The following NCAM1 variants were observed in gnomAD, a reference collection of about 807,000 sequenced individuals.
NCAM1 encodes antigen recognized by monoclonal antibody 5.1H11.
Under a neutral mutation model 109.8 loss-of-function variants are expected in NCAM1, and 14 were observed. That is an observed-to-expected ratio of 0.13 (90% CI 0.08 to 0.20). The LOEUF is 0.20. Among genes scored for constraint, NCAM1 ranks in the 10% least tolerant of loss-of-function variants. The pLI is 1.00. For synonymous variants in NCAM1, 418 were observed against 442.9 expected (o/e 0.94, Z 0.70); for missense variants, 774 against 1,109.9 (o/e 0.70, Z 4.30).
intron 14 of NCAM1, chr11:113,242,679 AATG>A: frequency 1.3e-6 from 1 of 772,528 alleles, no homozygotes. Flanking sequence ...CCATCTTTAT[AATG>A]ATGCCTACAT....
At chr11:113,028,862 GT>G (rs1282371031) in intron 1 of NCAM1, among the ~76,000 whole-genome samples, 12 of 152,022 alleles carry the variant, frequency 7.9e-5, no homozygotes, top group East Asian at 3.9e-4. Flanking sequence ...AGCATGTCTA[GT>G]TTTTTTAGCC....
At chr11:113,270,625 T>G in intron 18 of NCAM1, 1 of 557,870 alleles carries the variant, frequency 1.8e-6, no homozygotes, top group Non-Finnish European at 3.2e-6. Flanking sequence ...TCTCTTGTAT[T>G]AGAATCTCCC....
At chr11:112,984,467 C>G (rs1412326447) in intron 1 of NCAM1, among the ~76,000 whole-genome samples, 1 of 151,734 alleles carries the variant, frequency 6.6e-6, no homozygotes, top group African/African-American at 2.4e-5. Context: ...CTAGGAACCC[C>G]CATTCTGTTT....
At chr11:113,154,354 T>C (rs1942337942) in intron 1 of NCAM1, among the ~76,000 whole-genome samples, 1 of 152,104 alleles carries the variant, frequency 6.6e-6, no homozygotes, top group Non-Finnish European at 1.5e-5. Context: ...TTTCAAGATG[T>C]GAGTCTTGAG....
At chr11:113,089,740 C>CGG (rs1479050611) in intron 1 of NCAM1, among the ~76,000 whole-genome samples, 1 of 152,038 alleles carries the variant, frequency 6.6e-6, no homozygotes, top group African/African-American at 2.4e-5. Context: ...AAAAAGCAAC[C>CGG]GGGGAGGCAT....
chr11:113,019,186 C>T (rs1326069058), intron 1 of NCAM1, among the ~76,000 whole-genome samples: 3 of 152,002 alleles, frequency 2.0e-5, no homozygotes, highest in Non-Finnish European at 4.4e-5. Context: ...CTCTGGCCAG[C>T]CCACCAAGAG....
intron 1 of NCAM1, among the ~76,000 whole-genome samples, chr11:113,021,979 G>A (rs939458647): frequency 6.6e-6 from 1 of 152,192 alleles, no homozygotes; most frequent in East Asian, 1.9e-4. Context: ...TCATTGAAAT[G>A]CTAAGAATGA....
chr11:113,260,450 T>G (rs1459426014), intron 17 of NCAM1, 127 bp downstream of exon 17: 6 of 1,079,830 alleles, frequency 5.6e-6, no homozygotes, highest in Non-Finnish European at 7.9e-6. Context: ...TGGTTGCCCA[T>G]GCAAAGCTTA....
chr11:113,021,111 G>A (rs1428479966), intron 1 of NCAM1, among the ~76,000 whole-genome samples: 4 of 152,254 alleles, frequency 2.6e-5, no homozygotes, highest in African/African-American at 9.6e-5. Context: ...AACTTGTAGG[G>A]TAAGAAATTA....
chr11:113,127,259 T>G (rs1433578534), intron 1 of NCAM1, among the ~76,000 whole-genome samples: 1 of 152,188 alleles, frequency 6.6e-6, no homozygotes, highest in Non-Finnish European at 1.5e-5. Flanking sequence ...GGTAATTCTT[T>G]TGGACAGACA....
intron 1 of NCAM1, among the ~76,000 whole-genome samples, chr11:113,155,508 TA>T (rs879986759): frequency 3.3e-4 from 47 of 140,858 alleles, no homozygotes; most frequent in South Asian, 4.5e-4. Context: ...GGCTCCATCT[TA>T]AAAAAAAAAA....
At position 113,169,443 on chromosome 11, in the gene NCAM1, A is replaced by G. The variant is rs187874844; in HGVS notation, c.53-32936A>G. Among the ~76,000 whole-genome samples, 400 of 152,302 alleles carry G rather than the reference A, an allele frequency of 2.6e-3. 4 individuals carry two copies. The highest frequency in any genetic ancestry group is 0.023 in the Admixed American group (348 of 15,300). The stretch of plus-strand genomic sequence containing the variant: ...CTGACCCTGTGGCAGCTCCTCAAAA[A>G]TATAGTTCAAGCTGTACCTCACATA... On this transcript the variant is annotated intron_variant, in intron 1 of 19. Coordinates refer to ENST00000316851, the MANE Select transcript of NCAM1 (RefSeq NM_181351.5).
intron 1 of NCAM1, among the ~76,000 whole-genome samples, chr11:113,184,772 T>C (rs1158927157): frequency 6.6e-6 from 1 of 152,046 alleles, no homozygotes; most frequent in Non-Finnish European, 1.5e-5. Flanking sequence ...CTGACACTTA[T>C]GGAGACCTTC....
intron 15 of NCAM1, 132 bp from the exon 16 acceptor site, chr11:113,255,745 C>A: frequency 9.5e-7 from 1 of 1,051,828 alleles, no homozygotes; most frequent in Non-Finnish European, 1.4e-6. Context: ...ATATTTATTG[C>A]TTTTTAACCA....
At chr11:113,193,838 C>T (rs1943772059) in intron 1 of NCAM1, among the ~76,000 whole-genome samples, 1 of 152,066 alleles carries the variant, frequency 6.6e-6, no homozygotes, top group South Asian at 2.1e-4. Flanking sequence ...CTTTCTTGCC[C>T]TATAACCAGA....
chr11:113,256,166 G>A (rs1257794075), intron 16 of NCAM1, among the ~76,000 whole-genome samples, 165 bp downstream of exon 16: 1 of 152,120 alleles, frequency 6.6e-6, no homozygotes, highest in Non-Finnish European at 1.5e-5. Context: ...TCCCAAGACA[G>A]CCCTACAGCT....
chr11:113,059,077 C>T (rs1353542569), intron 1 of NCAM1, among the ~76,000 whole-genome samples: 3 of 152,164 alleles, frequency 2.0e-5, no homozygotes, highest in African/African-American at 7.2e-5. Flanking sequence ...AGTGAGAGAA[C>T]AGAGTTCTAG....
chr11:113,235,295 A>T (rs782667573), intron 14 of NCAM1, 131 bp downstream of exon 14: 3 of 1,570,030 alleles, frequency 1.9e-6, no homozygotes, highest in Non-Finnish European at 2.6e-6. Context: ...CTGCTCCTGG[A>T]GGCCCCACCT....
chr11:113,186,577 T>C (rs1943514987), intron 1 of NCAM1, among the ~76,000 whole-genome samples: 1 of 152,226 alleles, frequency 6.6e-6, no homozygotes, highest in African/African-American at 2.4e-5. Flanking sequence ...TCATTCCACA[T>C]TCTTGGAGAA....
Sources: allele counts gnomAD v4.1 joint callset (sites outside exome capture counted in the v4.1 genomes callset), GRCh38; gene constraint gnomAD v4.1.1; transcripts MANE v1.5; gene names NCBI Gene and HGNC (gene_info 2026-07-23, HGNC 2026-07-21).